TOP3A: variants seen among roughly 807,000 people sequenced by gnomAD.
The protein encoded by TOP3A is DNA topoisomerase III alpha, also known as DNA topoisomerase 3-alpha.
Under a neutral mutation model 111.3 loss-of-function variants are expected in TOP3A, and 64 were observed. That is an observed-to-expected ratio of 0.57 (90% CI 0.47 to 0.71). TOP3A has a LOEUF of 0.71. Among genes scored for constraint, TOP3A ranks in the 30% least tolerant of loss-of-function variants. The pLI is 0.00. For synonymous variants in TOP3A, 484 were observed against 485.1 expected (o/e 1.00, Z 0.03); for missense variants, 1,104 against 1,285.0 (o/e 0.86, Z 2.15).
intron 4 of TOP3A, among the ~76,000 whole-genome samples, chr17:18,305,475 A>AACACACATAC (rs3075274): frequency 0.26 from 37,605 of 146,108 alleles, 5,130 homozygotes; most frequent in Non-Finnish European, 0.31. Context: ...ATTCAGCTCT[A>AACACACATAC]ACACACACAC....
At chr17:18,284,509 T>C (rs1979971017) in intron 15 of TOP3A, among the ~76,000 whole-genome samples, 1 of 152,132 alleles carries the variant, frequency 6.6e-6, no homozygotes, top group South Asian at 2.1e-4. Flanking sequence ...CCTTGGCCAC[T>C]AGTCATCTCA....
In TOP3A at chr17:18,301,837, G is replaced by A. The variant is rs374841000; in HGVS notation, c.915+48C>T. 1,327 of 1,478,290 alleles carry A rather than the reference G, an allele frequency of 9.0e-4. 31 individuals are homozygous for A. The South Asian group carries it at 0.014, about 16-fold the overall frequency. 91.6% of individuals were successfully genotyped at this position (1,478,290 alleles called of 1,614,324 possible). A position where few individuals can be genotyped will look rare whatever the true frequency, so the allele number is the denominator to read the frequency against. ...GATCACCTCTGCCGACAGTGGGAGT[G>A]GTTTGGGAGGTGTGCAGAATGTTTC... On this transcript the variant is annotated intron_variant, in intron 8 of 18. Coordinates refer to ENST00000321105, the MANE Select transcript of TOP3A (RefSeq NM_004618.5).
chr17:18,292,615 C>T (rs369446701), intron 11 of TOP3A, 30 bp downstream of exon 11: 2 of 1,516,458 alleles, frequency 1.3e-6, no homozygotes, highest in Non-Finnish European at 1.8e-6. Context: ...CCTATGGGTT[C>T]CAGCAGGCAG....
At chr17:18,284,277 G>A (rs1011201230) in intron 15 of TOP3A, among the ~76,000 whole-genome samples, 1 of 151,750 alleles carries the variant, frequency 6.6e-6, no homozygotes, top group African/African-American at 2.4e-5. Flanking sequence ...CTCCCAAAGT[G>A]CTGGGATTAC....
chr17:18,314,477 G>T, intron 1 of TOP3A, 122 bp downstream of exon 1: 1 of 1,131,686 alleles, frequency 8.8e-7, no homozygotes, highest in Non-Finnish European at 1.2e-6. Context: ...TCCAGACGAG[G>T]GGCAGTGAGG....
chr17:18,302,556 G>A, intron 6 of TOP3A, 24 bp downstream of exon 6: 1 of 1,611,140 alleles, frequency 6.2e-7, no homozygotes, highest in South Asian at 1.1e-5. Flanking sequence ...TGTGGCCATG[G>A]GAGAGGTCTG....
chr17:18,284,477 G>A (rs1042707586), intron 15 of TOP3A, among the ~76,000 whole-genome samples: 5 of 152,078 alleles, frequency 3.3e-5, no homozygotes, highest in African/African-American at 1.2e-4. Flanking sequence ...CAACCAGACC[G>A]ATCCCAAGGC....
rs749082538 is a variant in TOP3A at position 18,301,868 on chromosome 17, T to A, written c.915+17A>T. The A allele has an allele frequency of 2.7e-5, 43 of 1,606,124 alleles. No homozygotes were observed. In the South Asian group the frequency reaches 4.7e-4, roughly 18 times the overall value. On this transcript the variant is annotated intron_variant, in intron 8 of 18. Transcript: ENST00000321105. ...GGAGGTGTGCAGAATGTTTCCTAGA[T>A]CATTAGGGGTTCTTACCTCCACACA...
rs1981790440 is a variant in TOP3A at position 18,309,640 on chromosome 17, TCAAAAAA to T, written c.181-706_181-700del. On this transcript the variant is annotated intron_variant, in intron 1 of 18. Coordinates refer to ENST00000321105, the MANE Select transcript of TOP3A (RefSeq NM_004618.5). ...GCCTGGGTGACAGAGCGAGACTGTCTCAAAAAACAAAAAACAAACAAAAAAACACATT... is the reference window on the plus strand; with the variant it reads ...GCCTGGGTGACAGAGCGAGACTGTCTCAAAAAACAAACAAAAAAACACATT... Among the ~76,000 whole-genome samples, 7 of 149,726 alleles carry T rather than the reference TCAAAAAA, an allele frequency of 4.7e-5. No individual in the cohort carries two copies. The South Asian group carries it at 1.3e-3, about 27-fold the overall frequency.
chr17:18,286,738 C>G (rs1980130599), intron 13 of TOP3A, among the ~76,000 whole-genome samples: 1 of 152,150 alleles, frequency 6.6e-6, no homozygotes, highest in Non-Finnish European at 1.5e-5. Flanking sequence ...CCAGCAATCC[C>G]ACTCCTAAGT....
At chr17:18,283,176 C>T (rs1979874229) in intron 15 of TOP3A, among the ~76,000 whole-genome samples, 2 of 152,152 alleles carry the variant, frequency 1.3e-5, no homozygotes, top group Non-Finnish European at 1.5e-5. Flanking sequence ...TCGAGACCAG[C>T]CTGACCAACA....
Position 18,301,911 on chromosome 17 carries a change from G to A in TOP3A, c.889C>T (p.Leu297=), listed in dbSNP as rs557227840. The stretch of plus-strand genomic sequence containing the variant: ...TCCACACACAACTGATAGAGAACTA[G>A]GCAAGCCGTGTGGTTAAAGAGTCGA... The part of the protein sequence containing the change: ...RHRLFNHTAC[L]VLYQLCVEDP... The change falls in exon 8 of 19, where the codon CTA becomes TTA. Residue 297 remains leucine (L), a synonymous_variant. Coordinates refer to ENST00000321105, the MANE Select transcript of TOP3A (RefSeq NM_004618.5). 60 of 1,614,206 alleles carry A rather than the reference G, an allele frequency of 3.7e-5. No homozygotes were observed. In the East Asian group the frequency reaches 6.7e-4, roughly 18 times the overall value.
intron 18 of TOP3A, among the ~76,000 whole-genome samples, chr17:18,276,809 C>A (rs1285160818): frequency 6.6e-6 from 1 of 152,228 alleles, no homozygotes; most frequent in Non-Finnish European, 1.5e-5. Context: ...CTTCTCATGA[C>A]ACCCAGTTCC....
At chr17:18,275,344 CTTTTTTTTTT>C (rs71155327) in intron 18 of TOP3A, among the ~76,000 whole-genome samples, 1 of 77,142 alleles carries the variant, frequency 1.3e-5, no homozygotes, top group Non-Finnish European at 2.2e-5. Flanking sequence ...GCTGAACCAA[CTTTTTTTTTT>C]TTTTTTTTTT....
At chr17:18,311,214 A>G (rs1981890561) in intron 1 of TOP3A, among the ~76,000 whole-genome samples, 1 of 151,878 alleles carries the variant, frequency 6.6e-6, no homozygotes. Flanking sequence ...GTTAGCCAGG[A>G]TGGTCTCAAT....
intron 16 of TOP3A, 101 bp from the exon 17 acceptor site, chr17:18,280,759 A>G: frequency 7.3e-7 from 1 of 1,378,252 alleles, no homozygotes; most frequent in Non-Finnish European, 1.0e-6. Flanking sequence ...CGAGGACAAC[A>G]TTCCCTTTTC....
intron 13 of TOP3A, among the ~76,000 whole-genome samples, chr17:18,287,008 T>C (rs1453600765): frequency 6.6e-6 from 1 of 152,024 alleles, no homozygotes; most frequent in African/African-American, 2.4e-5. Flanking sequence ...GGTCTCGAAC[T>C]CCTGACCTCA....
intron 1 of TOP3A, chr17:18,312,436 C>G (rs1351034571): frequency 6.5e-6 from 1 of 154,030 alleles, no homozygotes; most frequent in African/African-American, 2.4e-5. Flanking sequence ...ACCGTCAAGA[C>G]TGTGGTGTCA....
intron 5 of TOP3A, 48 bp downstream of exon 5, chr17:18,305,060 CTATT>C (rs1981469173): frequency 6.8e-7 from 1 of 1,478,214 alleles, no homozygotes; most frequent in Non-Finnish European, 9.5e-7. Flanking sequence ...CAAGAACACT[CTATT>C]TATGGAGTTC....
Sources: allele counts gnomAD v4.1 joint callset (sites outside exome capture counted in the v4.1 genomes callset), GRCh38; gene constraint gnomAD v4.1.1; transcripts MANE v1.5; gene names NCBI Gene and HGNC (gene_info 2026-07-23, HGNC 2026-07-21).